HSDL1: variants seen among roughly 807,000 people sequenced by gnomAD.
HSDL1 encodes hydroxysteroid dehydrogenase like 1.
A neutral mutation model predicts 31.5 loss-of-function variants in HSDL1; 29 were observed. The ratio of observed to expected loss-of-function variants is 0.92; its 90% CI spans 0.69 to 1.26. The LOEUF is 1.26. HSDL1 is among the 50% of genes most tolerant of loss of function. HSDL1 has a pLI of 0.00. For synonymous variants in HSDL1, 222 were observed against 155.2 expected (o/e 1.43, Z -3.20); for missense variants, 503 against 416.6 (o/e 1.21, Z -1.81).
intron 2 of HSDL1, among the ~76,000 whole-genome samples, 156 bp from the exon 3 acceptor site, chr16:84,131,483 G>GTCTGTCTATCTATCTATCTATCTA (rs1232519658): frequency 6.9e-6 from 1 of 144,132 alleles, no homozygotes; most frequent in African/African-American, 2.6e-5. Context: ...CACAGTTTCA[G>GTCTGTCTATCTATCTATCTATCTA]TCTATCTATC....
chr16:84,140,472 T>A (rs2086756031), intron 1 of HSDL1, among the ~76,000 whole-genome samples: 1 of 151,714 alleles, frequency 6.6e-6, no homozygotes, highest in Non-Finnish European at 1.5e-5. Flanking sequence ...ATCATGGTGG[T>A]CAGGCTGGTC....
chr16:84,129,703 T>C lies in HSDL1; in HGVS notation c.739A>G (p.Ile247Val), dbSNP rs1007962116. 6.8e-6 allele frequency: 11 copies of C among 1,614,020 alleles called. No individual in the cohort carries two copies. Among genetic ancestry groups the C allele is most frequent in the African/African-American group, 2.7e-5 (2 of 74,912 alleles). Residue 247 changes from isoleucine to valine, a missense_variant, in exon 5 of 6, where the codon ATC (isoleucine) becomes GTC (valine). Ile to Val is a conservative substitution (Grantham distance 29). Coordinates refer to ENST00000219439, the MANE Select transcript of HSDL1 (RefSeq NM_031463.5). ...ASKGIFVQSL[I>V]PFYVATSMTA... is the part of the protein sequence containing the mutation. ...ATGCTGGTGGCTACATAGAAAGGGA[T>C]TAGACTCTGTACAAAGATTCCTTTA...
intron 1 of HSDL1, among the ~76,000 whole-genome samples, chr16:84,140,641 C>A (rs1277980957): frequency 6.6e-6 from 1 of 152,150 alleles, no homozygotes; most frequent in Non-Finnish European, 1.5e-5. Flanking sequence ...GCCACTTAGC[C>A]ACCAGCCTAC....
At position 84,129,468 on chromosome 16, in the gene HSDL1, C is replaced by T. The variant is rs542321163; in HGVS notation, c.894+80G>A. The T allele has an allele frequency of 4.6e-5, 47 of 1,026,490 alleles. No homozygotes were observed. In the African/African-American group the frequency reaches 7.1e-4, roughly 16 times the overall value. 63.6% of individuals were successfully genotyped at this position (1,026,490 alleles called of 1,614,324 possible). A position where few individuals can be genotyped will look rare whatever the true frequency, so the allele number is the denominator to read the frequency against. On this transcript the variant is annotated intron_variant, in intron 5 of 5. Coordinates refer to ENST00000219439, the MANE Select transcript of HSDL1 (RefSeq NM_031463.5). ...CAGAATTTACAATTCTCATCTTAGG[C>T]TTTAATCAGATTTCTCTGTATCACT...
rs1291246487 is a variant in HSDL1, at chr16:84,127,250, C to G, written c.894+2298G>C. Among the ~76,000 whole-genome samples the G allele has an allele frequency of 3.1e-5, 4 of 128,244 alleles. No individual in the cohort carries two copies. The East Asian group carries it at 9.2e-4, about 29-fold the overall frequency. 84.1% of individuals were successfully genotyped at this position (128,244 alleles called of 152,430 possible). On this transcript the variant is annotated intron_variant, in intron 5 of 5. Coordinates refer to ENST00000219439, the MANE Select transcript of HSDL1 (RefSeq NM_031463.5). ...TTTTTTTTTTGAGATAAGAGTCTAG[C>G]TCTGTCACCCAGGCTGGAGTACAGT...
chr16:84,132,509 G>A (rs569116115), intron 2 of HSDL1, among the ~76,000 whole-genome samples: 2 of 152,144 alleles, frequency 1.3e-5, no homozygotes, highest in Non-Finnish European at 2.9e-5. Context: ...TACATTTGAG[G>A]AAAGAAAAGT....
chr16:84,126,099 T>C lies in HSDL1; in HGVS notation c.895-1371A>G, dbSNP rs559334203. On this transcript the variant is annotated intron_variant, in intron 5 of 5. Coordinates refer to ENST00000219439, the MANE Select transcript of HSDL1 (RefSeq NM_031463.5). ...GCCTGGGCAACAGAGCAAAACTCTG[T>C]CTCAAAAAAAAAAAAAAAAACACCA... Among the ~76,000 whole-genome samples the C allele has an allele frequency of 9.1e-5, 11 of 121,282 alleles. No individual in the cohort carries two copies. The East Asian group carries it at 1.8e-3, about 20-fold the overall frequency. The allele number at this position is 121,282 out of a possible 152,430, so 79.6% of individuals were successfully genotyped here. A position where few individuals can be genotyped will look rare whatever the true frequency, so the allele number is the denominator to read the frequency against.
At chr16:84,138,558 C>G (rs558886958) in intron 1 of HSDL1, among the ~76,000 whole-genome samples, 2 of 152,176 alleles carry the variant, frequency 1.3e-5, no homozygotes, top group Non-Finnish European at 2.9e-5. Context: ...ATACATATAT[C>G]AAATCATGTT....
intron 1 of HSDL1, among the ~76,000 whole-genome samples, chr16:84,136,803 G>T (rs902423502): frequency 6.6e-6 from 1 of 152,208 alleles, no homozygotes; most frequent in Non-Finnish European, 1.5e-5. Context: ...AAATCACAGA[G>T]CATCAGGGGG....
intron 1 of HSDL1, among the ~76,000 whole-genome samples, chr16:84,140,716 C>G (rs1292080301): frequency 6.6e-6 from 1 of 152,202 alleles, no homozygotes. Context: ...CTCCTCTATC[C>G]TGGAGGCAGC....
At chr16:84,131,676 G>A (rs367685550) in intron 2 of HSDL1, among the ~76,000 whole-genome samples, 5 of 145,972 alleles carry the variant, frequency 3.4e-5, no homozygotes, top group East Asian at 2.0e-4. Context: ...CACCACGCCC[G>A]GCTAATTTTT....
chr16:84,133,466 C>T (rs963595904), intron 2 of HSDL1, among the ~76,000 whole-genome samples: 1 of 152,198 alleles, frequency 6.6e-6, no homozygotes, highest in African/African-American at 2.4e-5. Flanking sequence ...CTCAGCCGGG[C>T]GCGGTGGCTC....
intron 1 of HSDL1, chr16:84,144,208 C>T (rs533831217): frequency 6.6e-6 from 1 of 152,182 alleles, no homozygotes; most frequent in Admixed American, 6.5e-5. Flanking sequence ...CGCAGTCAGA[C>T]TCTCCCGTTT....
chr16:84,134,648 G>A (rs569604606), intron 2 of HSDL1, among the ~76,000 whole-genome samples: 2 of 151,914 alleles, frequency 1.3e-5, no homozygotes, highest in African/African-American at 2.4e-5. Context: ...AAAAACAACC[G>A]AGATTCTATG....
chr16:84,142,522 T>C lies in HSDL1; in HGVS notation c.-69+2558A>G, dbSNP rs181105408. 1.0e-3 allele frequency among the ~76,000 whole-genome samples: 133 copies of C among 133,460 alleles called. 2 individuals are homozygous for C. The highest frequency in any genetic ancestry group is 3.6e-3 in the African/African-American group (130 of 36,166). The allele number at this position is 133,460 out of a possible 152,430, so 87.6% of individuals were successfully genotyped here. ...GCGATCTTAGCTCACTGCAACCTCCTCCTTCCAAGTTCAAGCAATTCTTCT... is the reference window on the plus strand; with the variant it reads ...GCGATCTTAGCTCACTGCAACCTCCCCCTTCCAAGTTCAAGCAATTCTTCT... On this transcript the variant is annotated intron_variant, in intron 1 of 5. Coordinates refer to ENST00000219439, the MANE Select transcript of HSDL1 (RefSeq NM_031463.5).
intron 5 of HSDL1, among the ~76,000 whole-genome samples, chr16:84,128,346 C>T (rs1045027485): frequency 4.0e-5 from 6 of 151,774 alleles, no homozygotes; most frequent in African/African-American, 1.2e-4. Context: ...GATAAAGGAA[C>T]TGAAATATAT....
chr16:84,137,134 A>G (rs1021371305), intron 1 of HSDL1, among the ~76,000 whole-genome samples: 4 of 152,258 alleles, frequency 2.6e-5, no homozygotes, highest in African/African-American at 9.6e-5. Context: ...CGGTATACAC[A>G]GAAGTCAGAG....
chr16:84,130,526 A>T, intron 3 of HSDL1, 95 bp from the exon 4 acceptor site: 1 of 998,668 alleles, frequency 1.0e-6, no homozygotes. Context: ...AGTCAGAGAA[A>T]AATTCACACT....
intron 5 of HSDL1, among the ~76,000 whole-genome samples, chr16:84,125,538 CAACA>C (rs2086598011): frequency 1.3e-5 from 2 of 151,864 alleles, no homozygotes; most frequent in African/African-American, 2.4e-5. Flanking sequence ...CGATCAATCA[CAACA>C]AATACCCACC....
Sources: allele counts gnomAD v4.1 joint callset (sites outside exome capture counted in the v4.1 genomes callset), GRCh38; gene constraint gnomAD v4.1.1; transcripts MANE v1.5; gene names NCBI Gene and HGNC (gene_info 2026-07-23, HGNC 2026-07-21).